Variants in ALK observed in about 807,000 individuals in gnomAD.
ALK encodes the protein ALK tyrosine kinase receptor.
ALK carries 74 observed loss-of-function variants against 163.1 expected under a neutral mutation model. The ratio of observed to expected loss-of-function variants is 0.45; its 90% CI spans 0.38 to 0.55. The LOEUF (loss-of-function observed/expected upper bound fraction) is 0.55, where lower values mean the gene tolerates loss of function less well. Among genes scored for constraint, ALK ranks in the 20% least tolerant of loss-of-function variants. ALK has a pLI of 0.00. For missense variants in ALK, 2,063 were observed against 2,105.3 expected (o/e 0.98, Z 0.39); for synonymous variants, 960 against 843.2 (o/e 1.14, Z -2.40).
chr2:29,675,633 C>A (rs1290411547), intron 3 of ALK, among the ~76,000 whole-genome samples: 5 of 151,978 alleles, frequency 3.3e-5, no homozygotes, highest in African/African-American at 1.2e-4. Context: ...CTGAAAGTTA[C>A]AGCTGGATCC....
chr2:29,818,678 T>G lies in ALK; in HGVS notation c.668-100981A>C, dbSNP rs560870796. Among the ~76,000 whole-genome samples, 5 of 152,230 alleles carry G rather than the reference T, an allele frequency of 3.3e-5. No individual in the cohort carries two copies. The East Asian group carries it at 9.6e-4, about 29-fold the overall frequency. On this transcript the variant is annotated intron_variant, in intron 1 of 28. Coordinates refer to ENST00000389048, the MANE Select transcript of ALK (RefSeq NM_004304.5). Reference sequence around the variant, plus strand: ...GCCTCCAGCAGCGCAGTAGCAGATATAGGGTTTGACTGTGGCTGGCACAGC... The same window carrying G: ...GCCTCCAGCAGCGCAGTAGCAGATAGAGGGTTTGACTGTGGCTGGCACAGC...
intron 4 of ALK, among the ~76,000 whole-genome samples, chr2:29,487,466 CA>C (rs1184668779): frequency 1.3e-5 from 2 of 152,082 alleles, no homozygotes; most frequent in East Asian, 3.9e-4. Flanking sequence ...ACTTTGATAT[CA>C]AAAAAGGATT....
At chr2:29,873,868 A>C (rs767644381) in intron 1 of ALK, among the ~76,000 whole-genome samples, 3 of 152,080 alleles carry the variant, frequency 2.0e-5, no homozygotes, top group Non-Finnish European at 4.4e-5. Flanking sequence ...CACTCTGGGC[A>C]TCAAAATCGC....
At chr2:29,612,083 C>T (rs1169013939) in intron 3 of ALK, among the ~76,000 whole-genome samples, 1 of 152,166 alleles carries the variant, frequency 6.6e-6, no homozygotes, top group Non-Finnish European at 1.5e-5. Context: ...AAGTGGCCGA[C>T]TTGGGACTTG....
intron 1 of ALK, among the ~76,000 whole-genome samples, chr2:29,812,613 C>T (rs2148372486): frequency 6.6e-6 from 1 of 152,202 alleles, no homozygotes; most frequent in South Asian, 2.1e-4. Flanking sequence ...TGCCTTTTAC[C>T]AAGCACATGT....
chr2:29,818,762 T>C (rs1664965570), intron 1 of ALK, among the ~76,000 whole-genome samples: 2 of 152,192 alleles, frequency 1.3e-5, no homozygotes, highest in Admixed American at 6.5e-5. Context: ...AGGTTCTGGA[T>C]TGGGTGGGGC....
At chr2:29,402,085 A>C (rs1208160941) in intron 4 of ALK, among the ~76,000 whole-genome samples, 1 of 152,212 alleles carries the variant, frequency 6.6e-6, no homozygotes, top group Non-Finnish European at 1.5e-5. Flanking sequence ...CAGTGGAGGA[A>C]GGGAAGGCAG....
intron 25 of ALK, among the ~76,000 whole-genome samples, chr2:29,208,616 A>G (rs1466193163): frequency 1.3e-5 from 2 of 152,154 alleles, no homozygotes. Flanking sequence ...CCCCGTGGTA[A>G]CATGATGGCC....
chr2:29,516,238 T>C (rs1312123966), intron 4 of ALK, among the ~76,000 whole-genome samples: 2 of 152,198 alleles, frequency 1.3e-5, no homozygotes, highest in Non-Finnish European at 2.9e-5. Context: ...AAGTGCACTG[T>C]TGGGGTTTGG....
intron 3 of ALK, among the ~76,000 whole-genome samples, chr2:29,657,955 G>A (rs1162304061): frequency 1.3e-5 from 2 of 152,088 alleles, no homozygotes; most frequent in African/African-American, 2.4e-5. Flanking sequence ...GTCACTTGCT[G>A]GACTGAGCAT....
intron 4 of ALK, among the ~76,000 whole-genome samples, chr2:29,521,424 G>T (rs1446315493): frequency 1.3e-5 from 2 of 152,278 alleles, no homozygotes; most frequent in South Asian, 4.1e-4. Flanking sequence ...GCTTACTGAT[G>T]TAAGATTCTC....
intron 3 of ALK, among the ~76,000 whole-genome samples, chr2:29,591,173 TG>T (rs1675047997): frequency 6.7e-6 from 1 of 149,932 alleles, no homozygotes; most frequent in South Asian, 2.1e-4. Flanking sequence ...GCAAGAATCA[TG>T]GAATAATTTT....
At chr2:29,533,325 A>T (rs1281252521) in intron 3 of ALK, among the ~76,000 whole-genome samples, 1 of 152,214 alleles carries the variant, frequency 6.6e-6, no homozygotes, top group Non-Finnish European at 1.5e-5. Context: ...AGGAAAAGAA[A>T]AGGGATTAGA....
rs143256501 is a variant in ALK, at chr2:29,656,851, T to A, written c.952+37999A>T. 8.0e-3 allele frequency among the ~76,000 whole-genome samples: 1,221 copies of A among 152,232 alleles called. 10 individuals carry two copies. The highest frequency in any genetic ancestry group is 0.041 in the Middle Eastern group (12 of 294). On this transcript the variant is annotated intron_variant, in intron 3 of 28. Transcript: ENST00000389048. ...CTTTATCCTTGCTCCTCATTCTCCA[T>A]CCTACTACTCCATCCCTTTTTGCAG... is the stretch of plus-strand genomic sequence containing the variant.
At chr2:29,747,414 T>C (rs1055592839) in intron 1 of ALK, among the ~76,000 whole-genome samples, 1 of 152,246 alleles carries the variant, frequency 6.6e-6, no homozygotes, top group African/African-American at 2.4e-5. Context: ...ATGAGTTTAC[T>C]CACACCAATA....
At chr2:29,728,874 G>A (rs1306673467) in intron 1 of ALK, among the ~76,000 whole-genome samples, 2 of 152,162 alleles carry the variant, frequency 1.3e-5, no homozygotes, top group Admixed American at 1.3e-4. Context: ...CGAGAACAAG[G>A]ACAGGGAATG....
chr2:29,207,382 C>T, intron 25 of ALK, 110 bp from the exon 26 acceptor site: 1 of 824,208 alleles, frequency 1.2e-6, no homozygotes, highest in South Asian at 1.4e-5. Flanking sequence ...CATTAAAGGT[C>T]TGAAATTAAC....
intron 1 of ALK, among the ~76,000 whole-genome samples, chr2:29,757,841 A>C (rs76237310): frequency 0.058 from 8,866 of 151,994 alleles, 862 homozygotes; most frequent in African/African-American, 0.2. Flanking sequence ...AAATGTAAGA[A>C]TCATTCTTAG....
intron 9 of ALK, among the ~76,000 whole-genome samples, chr2:29,283,143 C>T (rs555765893): frequency 5.9e-4 from 90 of 152,278 alleles, no homozygotes; most frequent in African/African-American, 2.1e-3. Context: ...CTCTTGGGCC[C>T]CTGCCATTCT....
Sources: gnomAD v4.1 joint callset for allele counts (sites outside exome capture counted in the v4.1 genomes callset) on GRCh38, gnomAD v4.1.1 for gene constraint, MANE v1.5 for transcripts, NCBI Gene and HGNC (gene_info 2026-07-23, HGNC 2026-07-21) for gene names.